Variants in ZNF680 observed in about 807,000 individuals in gnomAD.
The protein encoded by ZNF680 is hypothetical protein FLJ90430.
ZNF680 carries 6 observed loss-of-function variants against 12.1 expected under a neutral mutation model. The observed-to-expected ratio is 0.49, with a 90% confidence interval of 0.27 to 0.98. The LOEUF is 0.98. Among genes scored for constraint, ZNF680 ranks in the 50% least tolerant of loss-of-function variants. The pLI is 0.12. For missense variants in ZNF680, 561 were observed against 616.3 expected (o/e 0.91, Z 0.95); for synonymous variants, 170 against 199.3 (o/e 0.85, Z 1.24).
intron 1 of ZNF680, among the ~76,000 whole-genome samples, chr7:64,559,224 G>A (rs1167477685): frequency 6.6e-6 from 1 of 152,152 alleles, no homozygotes; most frequent in Admixed American, 6.5e-5. Flanking sequence ...GGCATAGTGA[G>A]TTCAGGGTCC....
chr7:64,504,990 C>T, the ZNF680 span, among the ~76,000 whole-genome samples: 1 of 152,166 alleles, frequency 6.6e-6, no homozygotes, highest in African/African-American at 2.4e-5. Flanking sequence ...TGTTATGTAG[C>T]ATGCATTTTT....
At chr7:64,505,623 G>A in the ZNF680 span, among the ~76,000 whole-genome samples, 1 of 152,102 alleles carries the variant, frequency 6.6e-6, no homozygotes, top group Non-Finnish European at 1.5e-5. Context: ...ATTCACTACG[G>A]CTTTCTAAAT....
Position 64,544,345 on chromosome 7 carries a change from T to C in ZNF680, c.118A>G (p.Lys40Glu), listed in dbSNP as rs1562763531. The change falls in exon 2 of 4, where the codon AAA (lysine) becomes GAA (glutamate). Residue 40 changes from lysine to glutamate, a missense_variant. By Grantham distance (56) the Lys-to-Glu change is moderately conservative (BLOSUM62 1). Transcript: ENST00000309683. ...LDTAQRNLYR[K>E]VMFENYRNLV... ...TTTCTGTAGTTCTCAAACATCACTTTCCTATATAAATTCCGTTGTGCAGTG... is the reference window on the plus strand; with the variant it reads ...TTTCTGTAGTTCTCAAACATCACTTCCCTATATAAATTCCGTTGTGCAGTG... 6.2e-7 allele frequency: 1 copy of C among 1,605,202 alleles called. No individual in the cohort carries two copies. The highest frequency in any genetic ancestry group is 2.2e-5 in the East Asian group (1 of 44,642).
Position 64,522,374 on chromosome 7 carries a change from T to C in ZNF680, c.380A>G (p.Lys127Arg). 9 of 1,612,304 alleles carry C rather than the reference T, an allele frequency of 5.6e-6. No individual in the cohort carries two copies. In the South Asian group the frequency reaches 9.9e-5, roughly 18 times the overall value. ...GAACACCTTAGACTCATCCACACTT[T>C]TACAACTTATTCTTAATTGTAAATT... is the stretch of plus-strand genomic sequence containing the variant. ...HENLQLRISCKSVDESKVFKE... is the reference protein window; with the variant it reads ...HENLQLRISCRSVDESKVFKE... Residue 127 changes from lysine (K) to arginine (R), a missense_variant, in exon 4 of 4, where the codon AAA (lysine) becomes AGA (arginine). Lys to Arg is a conservative substitution (Grantham distance 26, BLOSUM62 2). Transcript: ENST00000309683.
intron 3 of ZNF680, among the ~76,000 whole-genome samples, chr7:64,522,937 A>G (rs11766677): frequency 0.23 from 34,279 of 151,920 alleles, 4,060 homozygotes; most frequent in South Asian, 0.29. Flanking sequence ...AAATGGAAAA[A>G]AAAAAGAAAA....
In ZNF680 at chr7:64,521,587, C is replaced by G. The variant is rs1368297509; in HGVS notation, c.1167G>C (p.Gln389His). Residue 389 changes from glutamine (Q) to histidine (H), a missense_variant, in exon 4 of 4, where the codon CAG (glutamine) becomes CAC (histidine). Transcript: ENST00000309683. ...TCATATGTTCAGTAAGGTTTGAGGA[C>G]TGTATAAAAGCTTTGCCGCATTCTT... ...KCEECGKAFI[Q>H]SSNLTEHMRI... is the part of the protein sequence containing the mutation. 6.2e-7 allele frequency: 1 copy of G among 1,612,264 alleles called. No homozygotes were observed. The highest frequency in any genetic ancestry group is 1.3e-5 in the African/African-American group (1 of 74,894).
chr7:64,501,574 A>T, the ZNF680 span: 1 of 750,900 alleles, frequency 1.3e-6, no homozygotes, highest in Non-Finnish European at 2.4e-6. Context: ...GTGAAGTCTG[A>T]GGGGGGCGCA....
chr7:64,504,724 C>A, the ZNF680 span, among the ~76,000 whole-genome samples: 183 of 152,284 alleles, frequency 1.2e-3, no homozygotes, highest in Non-Finnish European at 2.1e-3. Flanking sequence ...AGAGGAAGTG[C>A]ACCACATTGC....
At chr7:64,503,659 C>A in the ZNF680 span, among the ~76,000 whole-genome samples, 1 of 152,178 alleles carries the variant, frequency 6.6e-6, no homozygotes, top group Non-Finnish European at 1.5e-5. Flanking sequence ...GGATTACAGG[C>A]GTGAGCCACT....
At position 64,548,888 on chromosome 7, in the gene ZNF680, C is replaced by T. The variant is rs948275253; in HGVS notation, c.31-4456G>A. ...TTGTAATCCAAGCGCTTTGGGAGGC[C>T]GAGGTGGGCGGATCACGAGGTCAGG... is the stretch of plus-strand genomic sequence containing the variant. On this transcript the variant is annotated intron_variant, in intron 1 of 3. Coordinates refer to ENST00000309683, the MANE Select transcript of ZNF680 (RefSeq NM_178558.5). 4.0e-5 allele frequency among the ~76,000 whole-genome samples: 6 copies of T among 151,866 alleles called. No individual in the cohort carries two copies. The East Asian group carries it at 5.8e-4, about 15-fold the overall frequency.
intron 3 of ZNF680, among the ~76,000 whole-genome samples, chr7:64,535,807 C>T (rs542990678): frequency 6.6e-6 from 1 of 151,968 alleles, no homozygotes; most frequent in Admixed American, 6.5e-5. Flanking sequence ...AGCCAGGCAT[C>T]GTAGCACACA....
the ZNF680 span, among the ~76,000 whole-genome samples, chr7:64,499,888 G>C: frequency 6.6e-6 from 1 of 152,252 alleles, no homozygotes; most frequent in East Asian, 1.9e-4. Flanking sequence ...TTTTCCCTTC[G>C]GGTGCACTAA....
At chr7:64,514,555 TAAAA>T in the ZNF680 span, among the ~76,000 whole-genome samples, 1 of 151,944 alleles carries the variant, frequency 6.6e-6, no homozygotes, top group Non-Finnish European at 1.5e-5. Context: ...TAGCTCATAA[TAAAA>T]AAATTCTATA....
the ZNF680 span, among the ~76,000 whole-genome samples, chr7:64,513,190 GTTATCA>G: frequency 5.9e-5 from 9 of 152,024 alleles, no homozygotes; most frequent in African/African-American, 2.2e-4. Flanking sequence ...ATTGCTGAAA[GTTATCA>G]TTATAACATA....
intron 3 of ZNF680, among the ~76,000 whole-genome samples, chr7:64,543,051 T>C (rs1213074037): frequency 6.6e-6 from 1 of 151,246 alleles, no homozygotes; most frequent in African/African-American, 2.4e-5. Flanking sequence ...AGCATAAATA[T>C]TGTTAAAGTG....
In ZNF680 at chr7:64,521,940, C is replaced by T; in HGVS notation, c.814G>A (p.Gly272Ser). The T allele has an allele frequency of 6.2e-7, 1 of 1,612,862 alleles. No homozygotes were observed. The highest frequency in any genetic ancestry group is 8.5e-7 in the Non-Finnish European group (1 of 1,179,534). The change falls in exon 4 of 4, where the codon GGC (glycine) becomes AGC (serine). Residue 272 changes from glycine to serine, a missense_variant. Transcript: ENST00000309683. ...ATTGAGAATAAACTAAAGGCTTTGCCACATTCTTCACATTTGAAGGGTTTC... is the reference window on the plus strand; with the variant it reads ...ATTGAGAATAAACTAAAGGCTTTGCTACATTCTTCACATTTGAAGGGTTTC... Reference protein sequence around the residue: ...EEKPFKCEECGKAFSLFSILS... With the variant: ...EEKPFKCEECSKAFSLFSILS...
intron 3 of ZNF680, chr7:64,526,143 G>A (rs1791830694): frequency 1.1e-5 from 10 of 923,996 alleles, no homozygotes; most frequent in Non-Finnish European, 1.3e-5. Context: ...AAAACTTATT[G>A]GACACCATCA....
the ZNF680 span, among the ~76,000 whole-genome samples, chr7:64,512,880 C>T: frequency 6.6e-6 from 1 of 152,024 alleles, no homozygotes; most frequent in African/African-American, 2.4e-5. Flanking sequence ...TGGTACCTTT[C>T]AGTTTATGTA....
intron 1 of ZNF680, among the ~76,000 whole-genome samples, chr7:64,554,814 CT>C (rs1787316812): frequency 6.6e-6 from 1 of 152,082 alleles, no homozygotes; most frequent in Non-Finnish European, 1.5e-5. Context: ...GTCATCACCA[CT>C]CCCTAATCTC....
Sources: allele counts gnomAD v4.1 joint callset (sites outside exome capture counted in the v4.1 genomes callset), GRCh38; gene constraint gnomAD v4.1.1; transcripts MANE v1.5; gene names NCBI Gene and HGNC (gene_info 2026-07-23, HGNC 2026-07-21).